FECH: variants seen among roughly 807,000 people sequenced by gnomAD.
FECH encodes the protein ferrochelatase, also known as ferrochelatase, mitochondrial.
A neutral mutation model predicts 56.9 loss-of-function variants in FECH; 40 were observed. The ratio of observed to expected loss-of-function variants is 0.70; its 90% CI spans 0.55 to 0.92. FECH has a LOEUF of 0.92. Ranked by LOEUF, FECH falls within the 40% of genes least tolerant of loss-of-function variation. The pLI is 0.00. For missense variants in FECH, 431 were observed against 529.1 expected (o/e 0.81, Z 1.82); for synonymous variants, 175 against 198.6 (o/e 0.88, Z 1.00).
At chr18:57,583,714 A>C (rs1364944589) in intron 1 of FECH, among the ~76,000 whole-genome samples, 2 of 152,182 alleles carry the variant, frequency 1.3e-5, no homozygotes, top group Non-Finnish European at 2.9e-5. Context: ...TAATTCCAGC[A>C]CTTTGGGAGG....
intron 1 of FECH, 79 bp downstream of exon 1, chr18:57,586,475 C>G: frequency 6.9e-7 from 1 of 1,441,126 alleles, no homozygotes; most frequent in Non-Finnish European, 9.3e-7. Flanking sequence ...GGCGCGAGGG[C>G]CCGGGCGCCA....
chr18:57,561,638 T>A (rs1401270024), intron 6 of FECH, among the ~76,000 whole-genome samples: 4 of 152,198 alleles, frequency 2.6e-5, no homozygotes, highest in African/African-American at 9.6e-5. Context: ...TTAAGAGACC[T>A]TTCCATCGTT....
chr18:57,576,209 C>A (rs1207618502), intron 2 of FECH, among the ~76,000 whole-genome samples: 1 of 152,166 alleles, frequency 6.6e-6, no homozygotes, highest in Non-Finnish European at 1.5e-5. Context: ...GGCAAAAATG[C>A]CCCCTTCCCC....
chr18:57,579,289 A>ATGTATG (rs74183203), intron 2 of FECH, among the ~76,000 whole-genome samples: 4 of 141,920 alleles, frequency 2.8e-5, no homozygotes, highest in African/African-American at 1.1e-4. Context: ...GTGTGTATAT[A>ATGTATG]TGTGTGTGTG....
intron 2 of FECH, among the ~76,000 whole-genome samples, chr18:57,575,530 C>A (rs2051173268): frequency 6.6e-6 from 1 of 152,134 alleles, no homozygotes; most frequent in Admixed American, 6.5e-5. Flanking sequence ...GCATCCTCGA[C>A]CTCCCGGGCT....
chr18:57,547,636 C>CT lies in FECH; in HGVS notation c.*3075dup, dbSNP rs768284867. ...ATGACCCAGTCTCTGTATTTCTTTT[C>CT]TTTTTTTTGGTTTTGGGACAGGGTC... On this transcript the variant is annotated 3_prime_UTR_variant, in exon 11 of 11. Coordinates refer to ENST00000262093, the MANE Select transcript of FECH (RefSeq NM_000140.5). 1.5e-4 allele frequency among the ~76,000 whole-genome samples: 23 copies of CT among 151,888 alleles called. No homozygotes were observed. The highest frequency in any genetic ancestry group is 5.8e-4 in the East Asian group (3 of 5,134).
intron 6 of FECH, among the ~76,000 whole-genome samples, chr18:57,560,388 C>T (rs571031309): frequency 5.9e-5 from 9 of 152,352 alleles, no homozygotes; most frequent in East Asian, 1.9e-4. Context: ...CAGTGGCTCA[C>T]GCCAGTAATC....
At chr18:57,563,082 C>A in intron 5 of FECH, 102 bp from the exon 6 acceptor site, 4 of 862,644 alleles carry the variant, frequency 4.6e-6, no homozygotes, top group Non-Finnish European at 7.6e-6. Context: ...CAGGTAACTG[C>A]TTCTTTACTG....
At position 57,546,814 on chromosome 18, in the gene FECH, C is replaced by T. The variant is rs186196691; in HGVS notation, c.*3898G>A. On this transcript the variant is annotated 3_prime_UTR_variant, in exon 11 of 11. Coordinates refer to ENST00000262093, the MANE Select transcript of FECH (RefSeq NM_000140.5). ...TCTCTACTAAAAATACAAAAATTAGCCGGGCATGGTGGCACACGCCTGAGT... is the reference window on the plus strand; with the variant it reads ...TCTCTACTAAAAATACAAAAATTAGTCGGGCATGGTGGCACACGCCTGAGT... Among the ~76,000 whole-genome samples the T allele has an allele frequency of 1.9e-3, 284 of 152,062 alleles. 1 individual carries two copies. The highest frequency in any genetic ancestry group is 6.6e-3 in the African/African-American group (275 of 41,486).
intron 3 of FECH, among the ~76,000 whole-genome samples, chr18:57,571,830 C>T (rs891007365): frequency 3.3e-5 from 5 of 152,196 alleles, no homozygotes; most frequent in Admixed American, 6.5e-5. Flanking sequence ...CCTGGATGTG[C>T]GCTAGCTACT....
intron 2 of FECH, among the ~76,000 whole-genome samples, chr18:57,579,693 G>C (rs1479662416): frequency 6.6e-6 from 1 of 152,164 alleles, no homozygotes; most frequent in Non-Finnish European, 1.5e-5. Flanking sequence ...GCTTCCTATA[G>C]AAATTCTTGG....
rs2050777003 is a variant in FECH at position 57,550,055 on chromosome 18, G to A, written c.*657C>T. The A allele has an allele frequency of 1.3e-5, 2 of 152,838 alleles. No homozygotes were observed. Among genetic ancestry groups the A allele is most frequent in the African/African-American group, 4.8e-5 (2 of 41,544 alleles). 9.5% of individuals were successfully genotyped at this position (152,838 alleles called of 1,614,324 possible). ...GTACTTGTACACGTTTATTACCCTT[G>A]GGTGTATGGGGAATCTAAGAGCACC... On this transcript the variant is annotated 3_prime_UTR_variant, in exon 11 of 11. Transcript: ENST00000262093.
rs1598976029 is a variant in FECH, at chr18:57,550,761, T to C, written c.1223A>G (p.Asn408Ser). Reference protein sequence around the residue: ...QLTLSCPLCVNPVCRETKSFF... With the variant: ...QLTLSCPLCVSPVCRETKSFF... ...GGATTTAGTCTCCCTGCAGACAGGATTGACACAGAGCGGACAGCTCAGGGT... is the reference window on the plus strand; with the variant it reads ...GGATTTAGTCTCCCTGCAGACAGGACTGACACAGAGCGGACAGCTCAGGGT... The change falls in exon 11 of 11, where the codon AAT becomes AGT. Residue 408 changes from asparagine (N) to serine (S), a missense_variant. Physicochemically the swap from Asn to Ser is conservative, Grantham distance 46. Coordinates refer to ENST00000262093, the MANE Select transcript of FECH (RefSeq NM_000140.5). The C allele has an allele frequency of 1.2e-6, 2 of 1,614,118 alleles. No individual in the cohort carries two copies. Among genetic ancestry groups the C allele is most frequent in the African/African-American group, 1.3e-5 (1 of 75,048 alleles).
chr18:57,559,922 C>A (rs2050920050), intron 6 of FECH, among the ~76,000 whole-genome samples: 1 of 152,182 alleles, frequency 6.6e-6, no homozygotes, highest in Non-Finnish European at 1.5e-5. Flanking sequence ...TCTCTGTCCA[C>A]CAGACCAGGG....
chr18:57,560,749 T>C (rs1332006319), intron 6 of FECH, among the ~76,000 whole-genome samples: 1 of 152,250 alleles, frequency 6.6e-6, no homozygotes, highest in Non-Finnish European at 1.5e-5. Flanking sequence ...AAATTATTTC[T>C]AAATGGTCCT....
intron 2 of FECH, among the ~76,000 whole-genome samples, chr18:57,575,678 G>T (rs1354471240): frequency 6.6e-6 from 1 of 152,176 alleles, no homozygotes; most frequent in Non-Finnish European, 1.5e-5. Context: ...CCTGGCTCAG[G>T]CTCCCAAAGT....
rs991418238 is a variant in FECH, at chr18:57,553,427, G to T, written c.1077+833C>A. ...TACACCTGCTGCCCAGTCCCAGAGA[G>T]GGTGAAGTCTCCTGCAGGATGGTCC... is the stretch of plus-strand genomic sequence containing the variant. On this transcript the variant is annotated intron_variant, in intron 9 of 10. Coordinates refer to ENST00000262093, the MANE Select transcript of FECH (RefSeq NM_000140.5). Among the ~76,000 whole-genome samples the T allele has an allele frequency of 2.0e-5, 3 of 152,280 alleles. No individual in the cohort carries two copies. In the East Asian group the frequency reaches 5.8e-4, roughly 29 times the overall value.
At chr18:57,554,169 CA>C in intron 9 of FECH, 90 bp downstream of exon 9, 1 of 1,365,190 alleles carries the variant, frequency 7.3e-7, no homozygotes, top group Non-Finnish European at 1.0e-6. Context: ...ATACAGTAAA[CA>C]ATATTTCTGA....
rs529946604 is a variant in FECH, at chr18:57,548,250, T to TAAAAAAA, written c.*2455_*2461dup. Reference sequence around the variant, plus strand: ...TGGGTGACATAGCAAGACTCCATCTTAAAAAAAAAAAAAAACAAAACAAAA... The same window carrying TAAAAAAA: ...TGGGTGACATAGCAAGACTCCATCTTAAAAAAAAAAAAAAAAAAAAAACAAAACAAAA... On this transcript the variant is annotated 3_prime_UTR_variant, in exon 11 of 11. Coordinates refer to ENST00000262093, the MANE Select transcript of FECH (RefSeq NM_000140.5). 7.7e-6 allele frequency: 1 copy of TAAAAAAA among 129,976 alleles called. No homozygotes were observed. The highest frequency in any genetic ancestry group is 8.2e-5 in the Admixed American group (1 of 12,254). The allele number at this position is 129,976 out of a possible 1,614,324, so 8.1% of individuals were successfully genotyped here.
Sources: allele counts gnomAD v4.1 joint callset (sites outside exome capture counted in the v4.1 genomes callset), GRCh38; gene constraint gnomAD v4.1.1; transcripts MANE v1.5; gene names NCBI Gene and HGNC (gene_info 2026-07-23, HGNC 2026-07-21).